The following STX18 variants were observed in gnomAD, a reference collection of about 807,000 sequenced individuals.
The protein encoded by STX18 is syntaxin 18.
A neutral mutation model predicts 50.1 loss-of-function variants in STX18; 40 were observed. That is an observed-to-expected ratio of 0.80 (90% confidence interval 0.62 to 1.04). The LOEUF (loss-of-function observed/expected upper bound fraction) is 1.04. STX18 is among the 50% of genes least tolerant of loss of function. The probability of loss-of-function intolerance (pLI) is 0.00; values close to 1 mark genes in which losing one functional copy is unlikely to be tolerated. For missense variants in STX18, 410 were observed against 415.8 expected, an observed-to-expected ratio of 0.99 and a Z score of 0.12; for synonymous variants, 158 against 151.8, an observed-to-expected ratio of 1.04 and a Z score of -0.30.
At chr4:4,427,100 G>C (rs1725281702) in intron 7 of STX18, among the ~76,000 whole-genome samples, 1 of 152,188 alleles carries the variant, frequency 6.6e-6, no homozygotes, top group African/African-American at 2.4e-5. Flanking sequence ...TTCTCTCTGT[G>C]GAAGGCAGCT....
At chr4:4,540,595 C>T (rs1264425571) in intron 1 of STX18, among the ~76,000 whole-genome samples, 1 of 152,208 alleles carries the variant, frequency 6.6e-6, no homozygotes, top group Admixed American at 6.5e-5. Flanking sequence ...TTGTGCCCTA[C>T]ACAACACCTG....
At chr4:4,421,585 G>A (rs1724967952) in intron 9 of STX18, among the ~76,000 whole-genome samples, 1 of 152,014 alleles carries the variant, frequency 6.6e-6, no homozygotes, top group South Asian at 2.1e-4. Flanking sequence ...TGCTCCTTCC[G>A]CCACACTTAC....
At chr4:4,441,383 G>A (rs1163846859) in intron 5 of STX18, among the ~76,000 whole-genome samples, 1 of 152,046 alleles carries the variant, frequency 6.6e-6, no homozygotes, top group Non-Finnish European at 1.5e-5. Context: ...ATGCACAAAG[G>A]TAAAGTTATA....
intron 1 of STX18, among the ~76,000 whole-genome samples, chr4:4,495,992 C>T (rs574217432): frequency 6.6e-6 from 1 of 152,282 alleles, no homozygotes; most frequent in East Asian, 1.9e-4. Flanking sequence ...ATTTTTTAAT[C>T]CTATAGTTGA....
chr4:4,457,369 G>T, intron 4 of STX18, 54 bp downstream of exon 4: 1 of 1,566,862 alleles, frequency 6.4e-7, no homozygotes, highest in Non-Finnish European at 8.8e-7. Flanking sequence ...GCTAAATTCT[G>T]CATCACATCT....
At chr4:4,429,150 C>T (rs550896403) in intron 7 of STX18, among the ~76,000 whole-genome samples, 143 of 152,294 alleles carry the variant, frequency 9.4e-4, no homozygotes, top group Non-Finnish European at 1.6e-3. Context: ...CTCTGTAAAA[C>T]GGGGCCAGCA....
At chr4:4,468,878 G>A (rs1022326890) in intron 2 of STX18, among the ~76,000 whole-genome samples, 1 of 152,100 alleles carries the variant, frequency 6.6e-6, no homozygotes, top group Non-Finnish European at 1.5e-5. Context: ...AAACAGCCCC[G>A]TATTCTCTAT....
chr4:4,470,436 A>G (rs529338845), intron 2 of STX18, among the ~76,000 whole-genome samples: 1 of 152,316 alleles, frequency 6.6e-6, no homozygotes, highest in Non-Finnish European at 1.5e-5. Flanking sequence ...CATTCATTCA[A>G]CAAGTATTTA....
chr4:4,489,193 G>A lies in STX18; in HGVS notation c.169-17487C>T, dbSNP rs56685319. 1.5e-3 allele frequency among the ~76,000 whole-genome samples: 228 copies of A among 152,160 alleles called. 1 individual carries two copies. Among genetic ancestry groups the A allele is most frequent in the East Asian group, 0.012 (64 of 5,170 alleles). On this transcript the variant is annotated intron_variant, in intron 1 of 10. Coordinates refer to ENST00000306200, the MANE Select transcript of STX18 (RefSeq NM_016930.4). ...TCAACTAAGTGAATGGGAATAAAATGCAGAGTATGCTGGCCTTGACCAATA... is the reference window on the plus strand; with the variant it reads ...TCAACTAAGTGAATGGGAATAAAATACAGAGTATGCTGGCCTTGACCAATA...
chr4:4,507,301 T>A, intron 1 of STX18: 1 of 722,086 alleles, frequency 1.4e-6, no homozygotes, highest in Non-Finnish European at 2.6e-6. Flanking sequence ...GGAAAAGAAC[T>A]CGGACCTCAA....
intron 1 of STX18, among the ~76,000 whole-genome samples, chr4:4,522,540 G>A (rs1270373768): frequency 6.6e-6 from 1 of 152,186 alleles, no homozygotes; most frequent in African/African-American, 2.4e-5. Flanking sequence ...TTAGATGCAT[G>A]AGAAAACTAG....
intron 5 of STX18, 39 bp downstream of exon 5, chr4:4,457,152 T>G: frequency 1.3e-6 from 2 of 1,547,590 alleles, no homozygotes; most frequent in Non-Finnish European, 1.8e-6. Context: ...TTAGTAGTAC[T>G]ATTATTAATT....
chr4:4,424,110 G>C (rs146035513), intron 8 of STX18, among the ~76,000 whole-genome samples: 12 of 151,926 alleles, frequency 7.9e-5, no homozygotes, highest in African/African-American at 2.2e-4. Flanking sequence ...GATTCATTTA[G>C]AAAATGCCAT....
chr4:4,507,346 A>G, intron 1 of STX18: 1 of 748,166 alleles, frequency 1.3e-6, no homozygotes, highest in Non-Finnish European at 2.5e-6. Context: ...TATGGCAGCC[A>G]AGGAAATTGA....
intron 1 of STX18, among the ~76,000 whole-genome samples, chr4:4,476,649 ATAT>A (rs1204967832): frequency 6.6e-6 from 1 of 152,226 alleles, no homozygotes; most frequent in Non-Finnish European, 1.5e-5. Flanking sequence ...TGTAATAATG[ATAT>A]TATGTACTAG....
intron 1 of STX18, among the ~76,000 whole-genome samples, chr4:4,490,095 T>C (rs1002162623): frequency 1.3e-5 from 2 of 152,138 alleles, no homozygotes; most frequent in African/African-American, 4.8e-5. Context: ...TGTAATAAAT[T>C]TACAATAAAA....
intron 1 of STX18, among the ~76,000 whole-genome samples, chr4:4,527,867 C>CACACATATATATATATATATAT (rs372566368): frequency 2.9e-5 from 4 of 137,206 alleles, no homozygotes; most frequent in Middle Eastern, 4.1e-3. Flanking sequence ...CACACACACA[C>CACACATATATATATATATATAT]ATATATATAT....
intron 2 of STX18, among the ~76,000 whole-genome samples, chr4:4,466,385 G>A (rs1240528117): frequency 1.3e-5 from 2 of 152,172 alleles, no homozygotes; most frequent in Non-Finnish European, 1.5e-5. Context: ...GGAAAAGTGG[G>A]TGAGGGTAAT....
At chr4:4,457,902 C>G (rs913005604) in intron 3 of STX18, among the ~76,000 whole-genome samples, 5 of 152,188 alleles carry the variant, frequency 3.3e-5, no homozygotes, top group African/African-American at 1.2e-4. Context: ...AGTGCCCCAT[C>G]CTCTCCCCTT....
Sources: allele counts gnomAD v4.1 joint callset (sites outside exome capture counted in the v4.1 genomes callset), GRCh38; gene constraint gnomAD v4.1.1; transcripts MANE v1.5; gene names NCBI Gene and HGNC (gene_info 2026-07-23, HGNC 2026-07-21).